Variants in BRSK2 observed in about 807,000 individuals in gnomAD.
BRSK2 encodes serine/threonine-protein kinase BRSK2.
A neutral mutation model predicts 83.3 loss-of-function variants in BRSK2; 19 were observed. That is an observed-to-expected ratio of 0.23 (90% CI 0.16 to 0.33). BRSK2 has a LOEUF of 0.33. Among genes scored for constraint, BRSK2 ranks in the 10% least tolerant of loss-of-function variants. The probability of loss-of-function intolerance (pLI) is 1.00; values close to 1 mark genes in which losing one functional copy is unlikely to be tolerated. For synonymous variants in BRSK2, 519 were observed against 435.4 expected (o/e 1.19, Z -2.39); for missense variants, 798 against 1,042.3 (o/e 0.77, Z 3.23).
intron 19 of BRSK2, 46 bp from the exon 20 acceptor site, chr11:1,460,453 CT>C (rs1231654978): frequency 3.5e-6 from 4 of 1,143,916 alleles, no homozygotes; most frequent in Non-Finnish European, 3.3e-6. Flanking sequence ...CCTTTTTTTT[CT>C]TTTTTCCTTT....
At chr11:1,442,186 G>T (rs1253922449) in intron 4 of BRSK2, among the ~76,000 whole-genome samples, 4 of 151,772 alleles carry the variant, frequency 2.6e-5, no homozygotes, top group Non-Finnish European at 5.9e-5. Flanking sequence ...GTGCCTGGGG[G>T]CCCTAGGTTG....
At chr11:1,450,038 T>G (rs1590644756) in intron 13 of BRSK2, among the ~76,000 whole-genome samples, 1 of 152,088 alleles carries the variant, frequency 6.6e-6, no homozygotes, top group African/African-American at 2.4e-5. Context: ...GTTTTGTTTG[T>G]TTTCTTGTGT....
intron 13 of BRSK2, among the ~76,000 whole-genome samples, chr11:1,450,056 C>G (rs1881504): frequency 0.51 from 77,515 of 151,988 alleles, 20,785 homozygotes; most frequent in Non-Finnish European, 0.6. Context: ...TGTGTCACTT[C>G]TTTTCTTTTG....
At chr11:1,428,214 C>T (rs1849476501) in intron 1 of BRSK2, among the ~76,000 whole-genome samples, 1 of 152,164 alleles carries the variant, frequency 6.6e-6, no homozygotes, top group Non-Finnish European at 1.5e-5. Context: ...GGCTCCTGAG[C>T]ATAGGCAGGA....
chr11:1,458,299 A>T (rs987037568), intron 18 of BRSK2, among the ~76,000 whole-genome samples: 1 of 152,202 alleles, frequency 6.6e-6, no homozygotes, highest in South Asian at 2.1e-4. Flanking sequence ...CCCTGGAGCC[A>T]ACTCCAAGCC....
At chr11:1,407,003 C>T (rs1256984246) in intron 1 of BRSK2, among the ~76,000 whole-genome samples, 2 of 152,186 alleles carry the variant, frequency 1.3e-5, no homozygotes, top group African/African-American at 4.8e-5. Context: ...TCTGTGCATC[C>T]TTGTCTGCCT....
At chr11:1,398,255 GCCTCGTGT>G (rs1846246459) in intron 1 of BRSK2, among the ~76,000 whole-genome samples, 1 of 152,194 alleles carries the variant, frequency 6.6e-6, no homozygotes, top group African/African-American at 2.4e-5. Flanking sequence ...CTAGCATCGG[GCCTCGTGT>G]CCTCGGCACC....
intron 1 of BRSK2, among the ~76,000 whole-genome samples, chr11:1,398,825 G>T (rs1021499443): frequency 6.6e-6 from 1 of 152,156 alleles, no homozygotes; most frequent in Non-Finnish European, 1.5e-5. Context: ...TGGGGCCTGG[G>T]TGTACCCAGG....
At chr11:1,450,478 C>T (rs1233086286) in intron 13 of BRSK2, 109 bp from the exon 14 acceptor site, 5 of 608,112 alleles carry the variant, frequency 8.2e-6, no homozygotes, top group South Asian at 2.1e-5. Flanking sequence ...CCGCCACTGG[C>T]CTTTGTCCCC....
In BRSK2 at chr11:1,454,534, G is replaced by A; in HGVS notation, c.1594G>A (p.Glu532Lys). Reference protein sequence around the residue: ...FGNFISLEKEEQIFVVIKDKP... With the variant: ...FGNFISLEKEKQIFVVIKDKP... ...GAACTTCATCAGCCTGGAGAAGGAG[G>A]AGCAGATCTTCGTGGTCATCAAAGA... is the stretch of plus-strand genomic sequence containing the variant. The change falls in exon 16 of 20, where the codon GAG becomes AAG. Residue 532 changes from glutamate (E) to lysine (K), a missense_variant. Glu to Lys is a moderately conservative substitution (Grantham distance 56). Around this residue, in one of 6 missense-constraint regions of BRSK2, gnomAD observed 455 missense variants for 455.2 expected, o/e 1.00. Coordinates refer to ENST00000528841, the MANE Select transcript of BRSK2 (RefSeq NM_001256627.2). This position sits in a 1 kb window ranked among gnomAD's most constrained non-coding sequence, Gnocchi z 5.2. The A allele has an allele frequency of 6.2e-7, 1 of 1,613,338 alleles. No individual in the cohort carries two copies. The highest frequency in any genetic ancestry group is 8.5e-7 in the Non-Finnish European group (1 of 1,179,964).
rs374069559 is a variant in BRSK2 at position 1,454,513 on chromosome 11, T to C, written c.1573T>C (p.Phe525Leu). The C allele has an allele frequency of 1.1e-5, 17 of 1,613,068 alleles. No individual in the cohort carries two copies. Among genetic ancestry groups the C allele is most frequent in the African/African-American group, 2.7e-5 (2 of 74,912 alleles). Residue 525 changes from phenylalanine (F) to leucine (L), a missense_variant, in exon 16 of 20, where the codon TTC becomes CTC. Transcript: ENST00000528841. This position sits in a 1 kb window ranked among gnomAD's most constrained non-coding sequence, Gnocchi z 5.2. ...ELAKKSWFGN[F>L]ISLEKEEQIF... is the part of the protein sequence containing the mutation. ...GGCGAAGAAGTCCTGGTTTGGGAAC[T>C]TCATCAGCCTGGAGAAGGAGGAGCA...
chr11:1,424,317 G>T (rs1378653405), intron 1 of BRSK2, among the ~76,000 whole-genome samples: 2 of 152,204 alleles, frequency 1.3e-5, no homozygotes, highest in Admixed American at 6.5e-5. Flanking sequence ...ACTGCCTCAT[G>T]TGGGGGGTGC....
intron 1 of BRSK2, chr11:1,410,649 A>C: frequency 1.0e-6 from 1 of 985,326 alleles, no homozygotes; most frequent in Non-Finnish European, 1.2e-6. Context: ...TCACCCACCC[A>C]GGCACACCTG....
chr11:1,436,184 G>GGA, intron 2 of BRSK2, 50 bp downstream of exon 2: 3 of 201,444 alleles, frequency 1.5e-5, no homozygotes, highest in Non-Finnish European at 2.0e-5. Context: ...GTGGGGCGGG[G>GGA]AATAGCACAG....
rs373467647 is a variant in BRSK2 at position 1,442,470 on chromosome 11, C to T, written c.414-20C>T. On this transcript the variant is annotated intron_variant, in intron 4 of 19. Transcript: ENST00000528841. Reference sequence around the variant, plus strand: ...AAGGCAGAGACTGGCCCTGTTCAGCCTCACCACCCTCCTCCCCAGCCACAG... The same window carrying T: ...AAGGCAGAGACTGGCCCTGTTCAGCTTCACCACCCTCCTCCCCAGCCACAG... 1.4e-5 allele frequency: 22 copies of T among 1,600,766 alleles called. No individual in the cohort carries two copies. The African/African-American group carries it at 2.7e-4, about 19-fold the overall frequency.
At chr11:1,426,407 T>C (rs1198912748) in intron 1 of BRSK2, among the ~76,000 whole-genome samples, 1 of 152,122 alleles carries the variant, frequency 6.6e-6, no homozygotes, top group African/African-American at 2.4e-5. Context: ...AAGAAGAGGC[T>C]TGAACTGTCA....
At chr11:1,449,502 G>A (rs543481597) in intron 12 of BRSK2, among the ~76,000 whole-genome samples, 8 of 152,272 alleles carry the variant, frequency 5.3e-5, no homozygotes, top group African/African-American at 9.6e-5. Flanking sequence ...CCTTTGCCGC[G>A]GCTGTCTGAT....
chr11:1,438,819 C>T lies in BRSK2; in HGVS notation c.272+428C>T, dbSNP rs1850713587. Among the ~76,000 whole-genome samples the T allele has an allele frequency of 6.6e-6, 1 of 152,218 alleles. No homozygotes were observed. Among genetic ancestry groups the T allele is most frequent in the Non-Finnish European group, 1.5e-5 (1 of 68,030 alleles). ...GGCTCCCTCACACGAGGCACAGCCA[C>T]CAGGATCCCGCCCTGGCTGGACCGT... On this transcript the variant is annotated intron_variant, in intron 3 of 19. Coordinates refer to ENST00000528841, the MANE Select transcript of BRSK2 (RefSeq NM_001256627.2). This position sits in a 1 kb window ranked among gnomAD's most constrained non-coding sequence, Gnocchi z 6.4.
intron 18 of BRSK2, among the ~76,000 whole-genome samples, chr11:1,458,734 C>T (rs1235945434): frequency 6.6e-6 from 1 of 152,196 alleles, no homozygotes; most frequent in Non-Finnish European, 1.5e-5. Context: ...CATCCCCAGG[C>T]CCAGCAGTAG....
Sources: gnomAD v4.1 joint callset for allele counts (sites outside exome capture counted in the v4.1 genomes callset) on GRCh38, gnomAD v4.1.1 for gene constraint, gnomAD v4.1.1 regional missense constraint, Gnocchi (gnomAD v3.1) non-coding constraint, MANE v1.5 for transcripts, NCBI Gene and HGNC (gene_info 2026-07-23, HGNC 2026-07-21) for gene names.